The following FNDC3A variants were observed in gnomAD, a reference collection of about 807,000 sequenced individuals.
FNDC3A encodes the protein fibronectin type III domain containing 3A, also known as fibronectin type-III domain-containing protein 3A.
Under a neutral mutation model 148.9 loss-of-function variants are expected in FNDC3A, and 32 were observed. The observed-to-expected ratio is 0.21, with a 90% confidence interval of 0.16 to 0.29. The LOEUF (loss-of-function observed/expected upper bound fraction) is 0.29. Ranked by LOEUF, FNDC3A falls within the 10% of genes least tolerant of loss-of-function variation. FNDC3A has a pLI of 1.00. For synonymous variants in FNDC3A, 472 were observed against 473.6 expected (o/e 1.00, Z 0.04); for missense variants, 1,191 against 1,452.8 (o/e 0.82, Z 2.93).
At chr13:49,081,519 A>G (rs533218860) in intron 3 of FNDC3A, among the ~76,000 whole-genome samples, 26 of 152,316 alleles carry the variant, frequency 1.7e-4, no homozygotes, top group African/African-American at 6.3e-4. Flanking sequence ...GTTTATGTAA[A>G]TAGTGTGTGT....
At chr13:49,190,056 T>C (rs950326354) in intron 17 of FNDC3A, among the ~76,000 whole-genome samples, 1 of 152,016 alleles carries the variant, frequency 6.6e-6, no homozygotes, top group Non-Finnish European at 1.5e-5. Context: ...CCGGCTACTT[T>C]TTTGTATTTT....
At chr13:49,188,383 A>G in intron 16 of FNDC3A, 132 bp from the exon 17 acceptor site, 1 of 648,028 alleles carries the variant, frequency 1.5e-6, no homozygotes, top group East Asian at 2.7e-5. Flanking sequence ...AGGAAACCGA[A>G]ACAAACCTAA....
intron 3 of FNDC3A, among the ~76,000 whole-genome samples, chr13:49,103,574 G>T (rs529602311): frequency 1.6e-4 from 25 of 152,192 alleles, no homozygotes; most frequent in Non-Finnish European, 2.5e-4. Context: ...GCTAGGGACT[G>T]GGGGCAAGGA....
At position 49,001,829 on chromosome 13, in the gene FNDC3A, T is replaced by C. The variant is rs539832603; in HGVS notation, c.-39-4323T>C. Reference sequence around the variant, plus strand: ...CGAAACTTCATTAGCAATTTTAATTTCGCCCCAGTCCTGTGGTCCTGTGAT... The same window carrying C: ...CGAAACTTCATTAGCAATTTTAATTCCGCCCCAGTCCTGTGGTCCTGTGAT... On this transcript the variant is annotated intron_variant, in intron 1 of 25. Coordinates refer to ENST00000492622, the MANE Select transcript of FNDC3A (RefSeq NM_001079673.2). 6.6e-5 allele frequency among the ~76,000 whole-genome samples: 10 copies of C among 152,338 alleles called. No individual in the cohort carries two copies. The East Asian group carries it at 1.2e-3, about 18-fold the overall frequency.
At chr13:49,016,219 A>T (rs1872766076) in intron 2 of FNDC3A, among the ~76,000 whole-genome samples, 1 of 152,204 alleles carries the variant, frequency 6.6e-6, no homozygotes, top group African/African-American at 2.4e-5. Context: ...TTCAGCTGTG[A>T]ATCCATCTGG....
chr13:49,154,315 CT>C (rs1225109566), intron 8 of FNDC3A, among the ~76,000 whole-genome samples: 1 of 130,032 alleles, frequency 7.7e-6, no homozygotes, highest in Admixed American at 8.1e-5. Flanking sequence ...ATTTGGCTCT[CT>C]GTTTGTCTGT....
At chr13:49,005,179 TA>T (rs1952198761) in intron 1 of FNDC3A, among the ~76,000 whole-genome samples, 1 of 151,908 alleles carries the variant, frequency 6.6e-6, no homozygotes, top group Admixed American at 6.6e-5. Context: ...CATGAAAAAT[TA>T]TTTTCAATCT....
chr13:49,117,343 C>G (rs1164220917), intron 4 of FNDC3A, among the ~76,000 whole-genome samples: 1 of 152,136 alleles, frequency 6.6e-6, no homozygotes, highest in Admixed American at 6.5e-5. Context: ...TTGATACTTT[C>G]AATTATGTCC....
rs1271220877 is a variant in FNDC3A, at chr13:49,175,418, G to A, written c.1407G>A (p.Met469Ile). 6.2e-7 allele frequency: 1 copy of A among 1,612,058 alleles called. No individual in the cohort carries two copies. ...LYYTSGCAPS[M>I]PASPVLTKAG... ...ACACCTCAGGCTGTGCTCCTTCTATGCCAGCAAGTCCTGTATTAACCAAGG... is the reference window on the plus strand; with the variant it reads ...ACACCTCAGGCTGTGCTCCTTCTATACCAGCAAGTCCTGTATTAACCAAGG... The change falls in exon 13 of 26, where the codon ATG becomes ATA. Residue 469 changes from methionine (M) to isoleucine (I), a missense_variant. By Grantham distance (10) the Met-to-Ile change is conservative. Transcript: ENST00000492622.
chr13:49,012,665 A>C (rs1420954366), intron 2 of FNDC3A, among the ~76,000 whole-genome samples: 2 of 152,124 alleles, frequency 1.3e-5, no homozygotes, highest in Non-Finnish European at 2.9e-5. Context: ...TGAATTTTTC[A>C]ATTGTTGAAG....
At chr13:49,187,398 G>C in intron 16 of FNDC3A, 1 of 890,458 alleles carries the variant, frequency 1.1e-6, no homozygotes, top group Non-Finnish European at 1.8e-6. Flanking sequence ...TATGCCATAT[G>C]AGTTCAAGTT....
intron 4 of FNDC3A, among the ~76,000 whole-genome samples, chr13:49,115,681 C>T (rs1422000902): frequency 6.6e-6 from 1 of 152,198 alleles, no homozygotes; most frequent in Non-Finnish European, 1.5e-5. Flanking sequence ...AGTCTCAGTG[C>T]CTTCATTATG....
intron 19 of FNDC3A, among the ~76,000 whole-genome samples, chr13:49,194,522 C>G (rs1037631053): frequency 2.6e-5 from 4 of 152,082 alleles, no homozygotes; most frequent in African/African-American, 7.2e-5. Flanking sequence ...CTAGCAGTTT[C>G]CTATAGCTAC....
intron 8 of FNDC3A, among the ~76,000 whole-genome samples, chr13:49,162,663 G>T (rs146738415): frequency 1.3e-5 from 2 of 152,224 alleles, no homozygotes; most frequent in African/African-American, 4.8e-5. Flanking sequence ...CTGGCAAGGA[G>T]CTGTGATACT....
chr13:49,167,943 C>G (rs1267366477), intron 9 of FNDC3A, among the ~76,000 whole-genome samples: 2 of 152,182 alleles, frequency 1.3e-5, no homozygotes, highest in Admixed American at 1.3e-4. Context: ...TTACACATAT[C>G]TTTTACTACA....
At chr13:49,182,957 G>T (rs77654550) in intron 14 of FNDC3A, among the ~76,000 whole-genome samples, 24 of 151,914 alleles carry the variant, frequency 1.6e-4, no homozygotes, top group Non-Finnish European at 3.4e-4. Flanking sequence ...CTGCCTTCAG[G>T]CTCTTTTTTC....
At chr13:49,080,984 A>G (rs1878430160) in intron 3 of FNDC3A, among the ~76,000 whole-genome samples, 1 of 152,204 alleles carries the variant, frequency 6.6e-6, no homozygotes, top group Non-Finnish European at 1.5e-5. Context: ...GATGCTTTGT[A>G]TGGCACCCAG....
chr13:49,107,739 C>T (rs960215789), intron 3 of FNDC3A, among the ~76,000 whole-genome samples: 1 of 152,126 alleles, frequency 6.6e-6, no homozygotes, highest in Non-Finnish European at 1.5e-5. Flanking sequence ...TAACGAGAAT[C>T]TCTGATAATC....
intron 8 of FNDC3A, among the ~76,000 whole-genome samples, chr13:49,155,118 A>G (rs1160098676): frequency 2.2e-3 from 325 of 147,076 alleles, no homozygotes; most frequent in Non-Finnish European, 3.5e-3. Context: ...TGTACCTCTG[A>G]TAGAATTCGG....
Sources: gnomAD v4.1 joint callset for allele counts (sites outside exome capture counted in the v4.1 genomes callset) on GRCh38, gnomAD v4.1.1 for gene constraint, MANE v1.5 for transcripts, NCBI Gene and HGNC (gene_info 2026-07-23, HGNC 2026-07-21) for gene names.